Variants in ARB2A observed in about 807,000 individuals in gnomAD.
ARB2A encodes cotranscriptional regulator ARB2A.
At chr5:93,972,734 A>G in the ARB2A span, among the ~76,000 whole-genome samples, 1 of 152,152 alleles carries the variant, frequency 6.6e-6, no homozygotes, top group Non-Finnish European at 1.5e-5. Flanking sequence ...AAGATGACAT[A>G]GCTGCTATAT....
chr5:93,771,489 A>G, the ARB2A span, among the ~76,000 whole-genome samples: 1 of 151,630 alleles, frequency 6.6e-6, no homozygotes, highest in African/African-American at 2.4e-5. Flanking sequence ...TCTGCACAGC[A>G]AAAGAAACTA....
At chr5:93,710,232 G>T in the ARB2A span, among the ~76,000 whole-genome samples, 445 of 152,244 alleles carry the variant, frequency 2.9e-3, 2 homozygotes, top group African/African-American at 0.01. Context: ...CATTTTATTT[G>T]ACCCCTTTAA....
chr5:93,978,964 A>G, the ARB2A span, among the ~76,000 whole-genome samples: 3 of 152,110 alleles, frequency 2.0e-5, no homozygotes, highest in Admixed American at 2.0e-4. Flanking sequence ...TAGGGCAATT[A>G]TGGTTAGCAA....
chr5:94,035,061 C>T, the ARB2A span, among the ~76,000 whole-genome samples: 1 of 152,102 alleles, frequency 6.6e-6, no homozygotes, highest in Admixed American at 6.6e-5. Context: ...AAACCAGTCC[C>T]TGGTGCCAAA....
chr5:93,851,608 G>C, the ARB2A span, among the ~76,000 whole-genome samples: 1 of 151,876 alleles, frequency 6.6e-6, no homozygotes. Flanking sequence ...CCCCGCTTCC[G>C]CCACCCCACA....
chr5:93,920,026 T>C, the ARB2A span, among the ~76,000 whole-genome samples: 4 of 152,318 alleles, frequency 2.6e-5, no homozygotes, highest in African/African-American at 7.2e-5. Flanking sequence ...ATAGGAATTA[T>C]AGTATACGAT....
chr5:94,013,412 G>A, the ARB2A span, among the ~76,000 whole-genome samples: 3 of 151,894 alleles, frequency 2.0e-5, no homozygotes, highest in Non-Finnish European at 4.4e-5. Context: ...CCCTGACCTC[G>A]TGATCCACCT....
chr5:93,946,812 C>T, the ARB2A span, among the ~76,000 whole-genome samples: 4 of 152,162 alleles, frequency 2.6e-5, no homozygotes, highest in African/African-American at 9.6e-5. Context: ...TTTAAATGTA[C>T]ATTTATTTTC....
chr5:93,620,377 G>A, the ARB2A span: 1 of 151,322 alleles, frequency 6.6e-6, no homozygotes, highest in Admixed American at 6.6e-5. Context: ...AATGAAAACA[G>A]GGAGAGAACA....
chr5:93,663,550 G>A, the ARB2A span, among the ~76,000 whole-genome samples: 2 of 152,118 alleles, frequency 1.3e-5, no homozygotes, highest in African/African-American at 4.8e-5. Context: ...TCTCTCCCTT[G>A]TTCCACATGG....
the ARB2A span, among the ~76,000 whole-genome samples, chr5:94,091,676 T>C: frequency 6.6e-6 from 1 of 152,320 alleles, no homozygotes; most frequent in South Asian, 2.1e-4. Context: ...TGACTGGAAC[T>C]TCGTATTTTT....
At chr5:94,077,140 T>C in the ARB2A span, among the ~76,000 whole-genome samples, 23 of 151,884 alleles carry the variant, frequency 1.5e-4, no homozygotes, top group African/African-American at 5.3e-4. Flanking sequence ...TTTCGGAGGC[T>C]GAGGCAAGCA....
the ARB2A span, chr5:93,741,543 T>C: frequency 6.3e-7 from 1 of 1,584,012 alleles, no homozygotes; most frequent in Admixed American, 1.8e-5. Flanking sequence ...AGAAGTGGTT[T>C]GAGGGCCTGT....
chr5:93,751,768 T>C, the ARB2A span, among the ~76,000 whole-genome samples: 1 of 152,308 alleles, frequency 6.6e-6, no homozygotes, highest in Admixed American at 6.5e-5. Context: ...TTTGGGAATA[T>C]TTTGGCCAGC....
the ARB2A span, chr5:93,741,533 A>G: frequency 6.3e-7 from 1 of 1,597,434 alleles, no homozygotes; most frequent in Non-Finnish European, 8.5e-7. Context: ...GGAAGGGGGC[A>G]GAAGTGGTTT....
chr5:94,007,809 T>A, the ARB2A span, among the ~76,000 whole-genome samples: 1 of 150,202 alleles, frequency 6.7e-6, no homozygotes, highest in Non-Finnish European at 1.5e-5. Context: ...GACTCACATG[T>A]CTAAAACAAA....
At chr5:93,939,821 G>A in the ARB2A span, among the ~76,000 whole-genome samples, 366 of 152,028 alleles carry the variant, frequency 2.4e-3, 1 homozygote, top group Non-Finnish European at 3.6e-3. Flanking sequence ...TACATTCATC[G>A]TAAGTTCTAC....
At chr5:93,704,052 T>C in the ARB2A span, among the ~76,000 whole-genome samples, 3 of 148,906 alleles carry the variant, frequency 2.0e-5, no homozygotes, top group East Asian at 5.8e-4. Context: ...CCTTTCAAAG[T>C]GGCATCATAC....
the ARB2A span, chr5:93,805,815 C>T: frequency 1.0e-6 from 1 of 984,984 alleles, no homozygotes; most frequent in African/African-American, 1.7e-5. Context: ...CAATGGATCT[C>T]CTGTTGCACC....
Sources: gnomAD v4.1 joint callset for allele counts (sites outside exome capture counted in the v4.1 genomes callset) on GRCh38, gnomAD v4.1.1 for gene constraint, MANE v1.5 for transcripts, NCBI Gene and HGNC (gene_info 2026-07-23, HGNC 2026-07-21) for gene names.